The following LOC400499 variants were observed in gnomAD, a reference collection of about 807,000 sequenced individuals.
the LOC400499 span, among the ~76,000 whole-genome samples, chr16:11,426,409 C>T: frequency 2.0e-5 from 3 of 152,158 alleles, no homozygotes. Flanking sequence ...CACCACTGCA[C>T]TCCAGTCTGG....
chr16:11,446,779 A>C, the LOC400499 span: 1 of 1,535,956 alleles, frequency 6.5e-7, no homozygotes, highest in South Asian at 1.2e-5. Context: ...GCCCAGGACC[A>C]TGGTCTGCAG....
the LOC400499 span, among the ~76,000 whole-genome samples, chr16:11,461,514 C>T: frequency 6.6e-6 from 1 of 152,230 alleles, no homozygotes; most frequent in East Asian, 1.9e-4. Flanking sequence ...AGACACTGTG[C>T]CTGGCCCAAA....
At chr16:11,384,274 A>T in the LOC400499 span, 1 of 1,232,388 alleles carries the variant, frequency 8.1e-7, no homozygotes, top group Non-Finnish European at 1.0e-6. Flanking sequence ...CGGCAACATC[A>T]GCTCATTGCC....
At chr16:11,516,810 C>T in the LOC400499 span, among the ~76,000 whole-genome samples, 3,335 of 152,236 alleles carry the variant, frequency 0.022, 141 homozygotes, top group African/African-American at 0.078. Flanking sequence ...CCATGCCCAG[C>T]TAATTTTTAA....
the LOC400499 span, chr16:11,404,799 A>G: frequency 2.3e-4 from 91 of 399,044 alleles, no homozygotes; most frequent in African/African-American, 1.6e-3. Context: ...CACCTGGCGC[A>G]GGACACGGGT....
the LOC400499 span, chr16:11,402,209 G>A: frequency 2.5e-6 from 1 of 399,060 alleles, no homozygotes; most frequent in Non-Finnish European, 4.4e-6. Flanking sequence ...GCTGAGGTCA[G>A]CAGCTCCAGG....
chr16:11,401,172 C>T, the LOC400499 span: 1 of 398,408 alleles, frequency 2.5e-6, no homozygotes, highest in African/African-American at 2.1e-5. Context: ...AACACACTCT[C>T]CTTCTCCTAC....
chr16:11,515,956 G>C, the LOC400499 span: 259,285 of 398,314 alleles, frequency 0.65, 87,428 homozygotes, highest in Non-Finnish European at 0.72. Flanking sequence ...CCTGAGAATG[G>C]AGTGATGAGC....
At chr16:11,388,109 G>A in the LOC400499 span, among the ~76,000 whole-genome samples, 2 of 152,106 alleles carry the variant, frequency 1.3e-5, no homozygotes, top group Non-Finnish European at 2.9e-5. Flanking sequence ...GGGGCAGGTG[G>A]CCTCACTTGC....
At chr16:11,497,610 G>A in the LOC400499 span, among the ~76,000 whole-genome samples, 2 of 152,190 alleles carry the variant, frequency 1.3e-5, no homozygotes, top group Non-Finnish European at 2.9e-5. Context: ...GTGCCACTTG[G>A]CTGGCAGAGA....
At chr16:11,438,588 T>A in the LOC400499 span, among the ~76,000 whole-genome samples, 42 of 118,044 alleles carry the variant, frequency 3.6e-4, no homozygotes, top group Middle Eastern at 0.019. Flanking sequence ...CTGGGCAACA[T>A]AGCGAGACCC....
chr16:11,518,365 G>C, the LOC400499 span, among the ~76,000 whole-genome samples: 1 of 152,140 alleles, frequency 6.6e-6, no homozygotes, highest in African/African-American at 2.4e-5. Context: ...GGAGGCCTGG[G>C]AAACAAGCCA....
the LOC400499 span, among the ~76,000 whole-genome samples, chr16:11,409,857 T>C: frequency 2.4e-4 from 34 of 143,354 alleles, 1 homozygote; most frequent in Non-Finnish European, 4.1e-4. Context: ...AAATGTGTGA[T>C]GATACAAATT....
At chr16:11,503,196 T>C in the LOC400499 span, among the ~76,000 whole-genome samples, 2 of 152,096 alleles carry the variant, frequency 1.3e-5, no homozygotes, top group Admixed American at 1.3e-4. Flanking sequence ...ATGACAGGTG[T>C]GAGCCATCGC....
chr16:11,451,565 AACAAAC>A, the LOC400499 span, among the ~76,000 whole-genome samples: 19 of 152,130 alleles, frequency 1.2e-4, 1 homozygote, highest in South Asian at 3.9e-3. Flanking sequence ...CAAACAAACA[AACAAAC>A]AAACAAACAA....
chr16:11,417,178 TTAAG>T, the LOC400499 span, among the ~76,000 whole-genome samples: 8 of 151,430 alleles, frequency 5.3e-5, no homozygotes, highest in Non-Finnish European at 8.8e-5. Flanking sequence ...ACAGATGTAA[TTAAG>T]TAAAAACAAG....
chr16:11,436,325 G>A, the LOC400499 span, among the ~76,000 whole-genome samples: 2 of 152,294 alleles, frequency 1.3e-5, no homozygotes, highest in East Asian at 1.9e-4. Flanking sequence ...AACTTCTGAG[G>A]TTCAAAGAGG....
the LOC400499 span, among the ~76,000 whole-genome samples, chr16:11,376,053 G>A: frequency 6.6e-6 from 1 of 152,168 alleles, no homozygotes; most frequent in South Asian, 2.1e-4. Flanking sequence ...GTACATTGTT[G>A]AACCGGGTTG....
the LOC400499 span, among the ~76,000 whole-genome samples, chr16:11,375,987 C>A: frequency 6.6e-6 from 1 of 152,234 alleles, no homozygotes; most frequent in Non-Finnish European, 1.5e-5. Flanking sequence ...GATCCACCTG[C>A]CTCGGGCTCC....
Sources: allele counts gnomAD v4.1 joint callset (sites outside exome capture counted in the v4.1 genomes callset), GRCh38; gene constraint gnomAD v4.1.1; transcripts MANE v1.5.